Variants in CD1B observed in about 807,000 individuals in gnomAD.
CD1B encodes T-cell surface glycoprotein CD1b.
A neutral mutation model predicts 39.8 loss-of-function variants in CD1B; 43 were observed. The observed-to-expected ratio is 1.08, with a 90% CI of 0.85 to 1.39. The LOEUF is 1.39. Ranked by LOEUF, CD1B falls within the 40% of genes most tolerant of loss-of-function variation. CD1B has a pLI of 0.00. For synonymous variants in CD1B, 192 were observed against 152.5 expected, an observed-to-expected ratio of 1.26 and a Z score of -1.91; for missense variants, 495 against 403.8, an observed-to-expected ratio of 1.23 and a Z score of -1.94.
At chr1:158,319,504 G>T in the CD1B span, among the ~76,000 whole-genome samples, 2 of 152,096 alleles carry the variant, frequency 1.3e-5, no homozygotes, top group African/African-American at 2.4e-5. Flanking sequence ...AGCCTTGGTT[G>T]TCAGCTCCAT....
At chr1:158,296,282 G>A in the CD1B span, among the ~76,000 whole-genome samples, 1 of 151,736 alleles carries the variant, frequency 6.6e-6, no homozygotes. Context: ...ACAAGGTTCT[G>A]GGCCTGGTCC....
chr1:158,287,283 G>GCA, the CD1B span, among the ~76,000 whole-genome samples: 5,611 of 149,138 alleles, frequency 0.038, 255 homozygotes, highest in African/African-American at 0.11. Flanking sequence ...CATGGTGGGT[G>GCA]CACACACACA....
the CD1B span, among the ~76,000 whole-genome samples, chr1:158,310,202 G>A: frequency 6.6e-6 from 1 of 152,068 alleles, no homozygotes; most frequent in African/African-American, 2.4e-5. Context: ...AATGTCAACA[G>A]TAAGAAGCAA....
At chr1:158,290,413 C>T in the CD1B span, among the ~76,000 whole-genome samples, 1 of 152,136 alleles carries the variant, frequency 6.6e-6, no homozygotes, top group Non-Finnish European at 1.5e-5. Flanking sequence ...GTGGTTTCTC[C>T]TTTTTATGTT....
At position 158,329,395 on chromosome 1, in the gene CD1B, C is replaced by T. The variant is rs375087573; in HGVS notation, c.861G>A (p.Glu287=). 3.1e-6 allele frequency: 5 copies of T among 1,613,976 alleles called. No homozygotes were observed. Among genetic ancestry groups the T allele is most frequent in the African/African-American group, 2.7e-5 (2 of 74,920 alleles). The part of the protein sequence containing the change: ...LSCRVKHSSL[E]GQDIILYWRN... ...TCCAGTAGAGGATGATGTCCTGGCC[C>T]TCTAAACTGCTGTGCTTCACCCGAC... The change falls in exon 4 of 6, where the codon GAG becomes GAA. Residue 287 remains glutamate, a synonymous_variant. Transcript: ENST00000368168.
chr1:158,328,251 A>G lies in CD1B; in HGVS notation c.987T>C (p.Tyr329=). 1 of 1,612,052 alleles carries G rather than the reference A, an allele frequency of 6.2e-7. No individual in the cohort carries two copies. Among genetic ancestry groups the G allele is most frequent in the Non-Finnish European group, 8.5e-7 (1 of 1,178,372 alleles). ...LALWYMRRRS[Y]QNIP is the part of the protein sequence containing the mutation. The stretch of plus-strand genomic sequence containing the variant: ...TGATGATGGCTCATGGGATATTCTG[A>G]TATGACCTGTTAAAAACAGAAGAAC... The change falls in exon 6 of 6, where the codon TAT becomes TAC. Residue 329 remains tyrosine, a synonymous_variant. Coordinates refer to ENST00000368168, the MANE Select transcript of CD1B (RefSeq NM_001764.3).
At chr1:158,311,411 A>G in the CD1B span, among the ~76,000 whole-genome samples, 4 of 152,162 alleles carry the variant, frequency 2.6e-5, no homozygotes, top group East Asian at 7.7e-4. Context: ...AGTTCCTTAT[A>G]TATTCTGGAT....
At chr1:158,303,526 T>C in the CD1B span, among the ~76,000 whole-genome samples, 4 of 152,182 alleles carry the variant, frequency 2.6e-5, no homozygotes, top group Non-Finnish European at 5.9e-5. Context: ...GAAAACCCCA[T>C]AGTCTCTGTG....
the CD1B span, among the ~76,000 whole-genome samples, chr1:158,290,833 T>A: frequency 6.6e-6 from 1 of 152,268 alleles, no homozygotes; most frequent in Admixed American, 6.5e-5. Context: ...ATGCAGATAG[T>A]ATGAACATCT....
chr1:158,291,645 C>T, the CD1B span, among the ~76,000 whole-genome samples: 1 of 152,088 alleles, frequency 6.6e-6, no homozygotes, highest in East Asian at 1.9e-4. Context: ...ATCCTACAAT[C>T]CAGAGATACA....
chr1:158,291,929 T>A, the CD1B span, among the ~76,000 whole-genome samples: 1 of 152,184 alleles, frequency 6.6e-6, no homozygotes, highest in Non-Finnish European at 1.5e-5. Flanking sequence ...TCCCCAGCAA[T>A]TTTTCTCTCT....
intron 3 of CD1B, 80 bp from the exon 4 acceptor site, chr1:158,329,728 G>C: frequency 1.9e-6 from 3 of 1,570,610 alleles, no homozygotes; most frequent in Non-Finnish European, 2.6e-6. Flanking sequence ...TACAAGCTTG[G>C]ACAGCGACCC....
intron 5 of CD1B, among the ~76,000 whole-genome samples, chr1:158,328,573 C>T (rs962429410): frequency 6.6e-6 from 1 of 152,076 alleles, no homozygotes; most frequent in African/African-American, 2.4e-5. Context: ...TAGAGCTGTC[C>T]TAACCAGGGC....
At chr1:158,310,077 G>T in the CD1B span, among the ~76,000 whole-genome samples, 1 of 151,880 alleles carries the variant, frequency 6.6e-6, no homozygotes, top group African/African-American at 2.4e-5. Context: ...TATAGTACAA[G>T]GCTACAGTAA....
At chr1:158,331,106 G>A in intron 1 of CD1B, 44 bp from the exon 2 acceptor site, 1 of 1,538,080 alleles carries the variant, frequency 6.5e-7, no homozygotes, top group Non-Finnish European at 8.8e-7. Context: ...AAAGAGAGAA[G>A]CAGGAGACAA....
the CD1B span, among the ~76,000 whole-genome samples, chr1:158,307,925 A>G: frequency 6.6e-6 from 1 of 152,188 alleles, no homozygotes; most frequent in Non-Finnish European, 1.5e-5. Flanking sequence ...AAACTGGCAC[A>G]AGACAGGGAT....
At chr1:158,306,880 A>T in the CD1B span, among the ~76,000 whole-genome samples, 1 of 152,218 alleles carries the variant, frequency 6.6e-6, no homozygotes, top group South Asian at 2.1e-4. Context: ...CTTTGAAACC[A>T]ACGAGAACAA....
At chr1:158,297,187 T>A in the CD1B span, among the ~76,000 whole-genome samples, 2 of 152,020 alleles carry the variant, frequency 1.3e-5, no homozygotes, top group Non-Finnish European at 2.9e-5. Context: ...AAAAAAATAC[T>A]AAAGGCAACC....
At chr1:158,304,622 G>A in the CD1B span, among the ~76,000 whole-genome samples, 1 of 152,196 alleles carries the variant, frequency 6.6e-6, no homozygotes, top group Non-Finnish European at 1.5e-5. Flanking sequence ...GGAGATCTGA[G>A]AATGGACAGA....
Sources: gnomAD v4.1 joint callset for allele counts (sites outside exome capture counted in the v4.1 genomes callset) on GRCh38, gnomAD v4.1.1 for gene constraint, MANE v1.5 for transcripts, NCBI Gene and HGNC (gene_info 2026-07-23, HGNC 2026-07-21) for gene names.